Variants in CLIP2 observed in about 807,000 individuals in gnomAD.
CLIP2 encodes the protein CAP-Gly domain-containing linker protein 2.
In CLIP2, 41 loss-of-function variants were observed where a neutral mutation model predicts 111.7. The ratio of observed to expected loss-of-function variants is 0.37; its 90% CI spans 0.29 to 0.48. CLIP2 has a LOEUF of 0.48. Ranked by LOEUF, CLIP2 falls within the 20% of genes least tolerant of loss-of-function variation. The pLI is 0.99. For missense variants in CLIP2, 1,160 were observed against 1,422.1 expected (o/e 0.82, Z 2.96); for synonymous variants, 660 against 644.2 (o/e 1.02, Z -0.37).
intron 8 of CLIP2, among the ~76,000 whole-genome samples, chr7:74,372,353 T>C (rs1790649686): frequency 7.0e-6 from 1 of 143,640 alleles, no homozygotes; most frequent in Non-Finnish European, 1.5e-5. Flanking sequence ...CGGGTATATT[T>C]TGGAAACATC....
rs376115830 is a variant in CLIP2, at chr7:74,372,996, C to T, written c.1445C>T (p.Ala482Val). The T allele has an allele frequency of 2.1e-5, 34 of 1,595,446 alleles. No individual in the cohort carries two copies. Among genetic ancestry groups the T allele is most frequent in the Non-Finnish European group, 2.5e-5 (29 of 1,173,554 alleles). The change falls in exon 9 of 17, where the codon GCG becomes GTG. Residue 482 changes from alanine (A) to valine (V), a missense_variant. Physicochemically the swap from Ala to Val is moderately conservative, Grantham distance 64. Coordinates refer to ENST00000223398, the MANE Select transcript of CLIP2 (RefSeq NM_003388.5). ...ELEQSLLLEK[A>V]QAERLLRELA... ...GAACAGAGCCTGCTACTGGAGAAGG[C>T]GCAGGCCGAGCGGCTGCTCCGAGAA... is the stretch of plus-strand genomic sequence containing the variant.
At chr7:74,350,882 G>C (rs1789966256) in intron 3 of CLIP2, among the ~76,000 whole-genome samples, 2 of 146,340 alleles carry the variant, frequency 1.4e-5, no homozygotes, top group Admixed American at 1.4e-4. Flanking sequence ...GAAAGAGAGA[G>C]AGAGAAAGAA....
intron 3 of CLIP2, among the ~76,000 whole-genome samples, chr7:74,347,291 TG>T (rs1231107886): frequency 2.0e-5 from 3 of 152,090 alleles, no homozygotes; most frequent in Non-Finnish European, 2.9e-5. Context: ...CTTTTTAAGA[TG>T]GAGTCTCACT....
chr7:74,374,831 T>G (rs1158900145), intron 9 of CLIP2, among the ~76,000 whole-genome samples: 1 of 152,208 alleles, frequency 6.6e-6, no homozygotes, highest in Non-Finnish European at 1.5e-5. Context: ...AAATATATCA[T>G]TTTCATATCT....
At chr7:74,375,612 T>G (rs1179668697) in intron 9 of CLIP2, among the ~76,000 whole-genome samples, 2 of 143,700 alleles carry the variant, frequency 1.4e-5, no homozygotes, top group Non-Finnish European at 3.0e-5. Context: ...TAACCACCAA[T>G]TTGTCCAAGC....
Position 74,401,531 on chromosome 7 carries a change from C to A in CLIP2, c.3093C>A (p.Asn1031Lys). ...AQTIGNSGSA[N>K]GIHQQDKAQK... is the part of the protein sequence containing the mutation. Reference sequence around the variant, plus strand: ...CCATCGGCAATTCCGGTTCTGCAAACGGCATCCACCAGCAGGACAAAGCTC... The same window carrying A: ...CCATCGGCAATTCCGGTTCTGCAAAAGGCATCCACCAGCAGGACAAAGCTC... Residue 1031 changes from asparagine (N) to lysine (K), a missense_variant, in exon 16 of 17, where the codon AAC becomes AAA. Physicochemically the swap from Asn to Lys is moderately conservative, Grantham distance 94. This residue lies in a region of CLIP2 where 676 missense variants were observed against 777.8 expected (regional missense o/e 0.87). Coordinates refer to ENST00000223398, the MANE Select transcript of CLIP2 (RefSeq NM_003388.5). The A allele has an allele frequency of 1.2e-6, 2 of 1,614,138 alleles. No homozygotes were observed. The highest frequency in any genetic ancestry group is 1.7e-6 in the Non-Finnish European group (2 of 1,180,012).
At chr7:74,397,255 T>C in intron 14 of CLIP2, 22 bp downstream of exon 14, 1 of 1,608,666 alleles carries the variant, frequency 6.2e-7, no homozygotes, top group Non-Finnish European at 8.5e-7. Context: ...AGGGGTGGCC[T>C]AGGGGCAGGG....
At chr7:74,324,641 G>A (rs1373253999) in intron 2 of CLIP2, among the ~76,000 whole-genome samples, 1 of 152,060 alleles carries the variant, frequency 6.6e-6, no homozygotes, top group African/African-American at 2.4e-5. Context: ...GCTGGGCTTG[G>A]TGGTGTCCTC....
At chr7:74,390,971 C>T (rs192869440) in intron 13 of CLIP2, among the ~76,000 whole-genome samples, 1 of 152,022 alleles carries the variant, frequency 6.6e-6, no homozygotes, top group East Asian at 1.9e-4. Flanking sequence ...ATCTCTTGAA[C>T]CCGGAAGGCG....
intron 3 of CLIP2, among the ~76,000 whole-genome samples, chr7:74,347,515 G>A (rs570004357): frequency 1.1e-3 from 174 of 152,172 alleles, no homozygotes; most frequent in African/African-American, 3.9e-3. Context: ...TGATCTGCCC[G>A]CCTCGGCCTC....
rs1444193931 is a variant in CLIP2, at chr7:74,369,941, C to G, written c.1381-2991C>G. 2.5e-5 allele frequency among the ~76,000 whole-genome samples: 2 copies of G among 80,262 alleles called. 1 individual carries two copies. Among genetic ancestry groups the G allele is most frequent in the African/African-American group, 7.2e-5 (2 of 27,890 alleles). The allele number at this position is 80,262 out of a possible 152,430, so 52.7% of individuals were successfully genotyped here. On this transcript the variant is annotated intron_variant, in intron 8 of 16. Coordinates refer to ENST00000223398, the MANE Select transcript of CLIP2 (RefSeq NM_003388.5). ...TTGGGAGGCCAAGGTGGGCGGATCACGAGGTCAGGAGCTCCAAACCAGCCT... is the reference window on the plus strand; with the variant it reads ...TTGGGAGGCCAAGGTGGGCGGATCAGGAGGTCAGGAGCTCCAAACCAGCCT...
intron 11 of CLIP2, chr7:74,381,689 T>C (rs1234673135): frequency 6.6e-6 from 3 of 451,728 alleles, no homozygotes; most frequent in Non-Finnish European, 1.3e-5. Context: ...AGCTCCTTCA[T>C]TTATTCCATT....
At chr7:74,387,629 A>G (rs1243867720) in intron 12 of CLIP2, among the ~76,000 whole-genome samples, 1 of 152,176 alleles carries the variant, frequency 6.6e-6, no homozygotes, top group Non-Finnish European at 1.5e-5. Context: ...ATGGTTGCCA[A>G]CCTGTCTTCT....
At chr7:74,371,390 G>A (rs1207120547) in intron 8 of CLIP2, among the ~76,000 whole-genome samples, 1 of 151,898 alleles carries the variant, frequency 6.6e-6, no homozygotes, top group African/African-American at 2.4e-5. Flanking sequence ...CACCATCTAT[G>A]AGGGTTCCAG....
At chr7:74,334,432 G>A (rs548795968) in intron 2 of CLIP2, among the ~76,000 whole-genome samples, 3 of 152,170 alleles carry the variant, frequency 2.0e-5, no homozygotes, top group African/African-American at 7.2e-5. Flanking sequence ...GCCTGGGCCC[G>A]GACAGCTGGG....
In CLIP2 at chr7:74,404,342, C is replaced by T. The variant is rs1291338907; in HGVS notation, c.*494C>T. 6.2e-6 allele frequency: 1 copy of T among 162,374 alleles called. No homozygotes were observed. The highest frequency in any genetic ancestry group is 5.9e-5 in the Admixed American group (1 of 16,918). The allele number at this position is 162,374 out of a possible 1,614,324, so 10.1% of individuals were successfully genotyped here. On this transcript the variant is annotated 3_prime_UTR_variant, in exon 17 of 17. Coordinates refer to ENST00000223398, the MANE Select transcript of CLIP2 (RefSeq NM_003388.5). Reference sequence around the variant, plus strand: ...CAAGTGGGGGCCCCTTTTCCGAAGCCACTTCCAGGCCAAGGCAGTCGCCAG... The same window carrying T: ...CAAGTGGGGGCCCCTTTTCCGAAGCTACTTCCAGGCCAAGGCAGTCGCCAG...
Position 74,317,556 on chromosome 7 carries a change from C to T in CLIP2, c.10C>T (p.Pro4Ser). The T allele has an allele frequency of 1.4e-6, 2 of 1,446,508 alleles. No individual in the cohort carries two copies. The highest frequency in any genetic ancestry group is 1.8e-6 in the Non-Finnish European group (2 of 1,091,568). 89.6% of individuals were successfully genotyped at this position (1,446,508 alleles called of 1,614,324 possible). A position where few individuals can be genotyped will look rare whatever the true frequency, so the allele number is the denominator to read the frequency against. ...GCCCAGTGGCACCGCCATGCAGAAG[C>T]CCAGCGGCCTGAAGCCCCCCGGCCG... MQK[P>S]SGLKPPGRGG... The change falls in exon 2 of 17, where the codon CCC becomes TCC. Residue 4 changes from proline to serine, a missense_variant. Transcript: ENST00000223398.
intron 7 of CLIP2, 102 bp downstream of exon 7, chr7:74,360,380 T>C: frequency 1.3e-6 from 1 of 775,790 alleles, no homozygotes; most frequent in Non-Finnish European, 2.1e-6. Context: ...GTCCTGCCCC[T>C]GTCACTGCCT....
intron 2 of CLIP2, among the ~76,000 whole-genome samples, chr7:74,320,286 G>A (rs1236047097): frequency 2.0e-5 from 3 of 152,008 alleles, no homozygotes; most frequent in East Asian, 3.9e-4. Flanking sequence ...AGCACTTTGG[G>A]AGGCTGAGGC....
Sources: allele counts gnomAD v4.1 joint callset (sites outside exome capture counted in the v4.1 genomes callset), GRCh38; gene constraint gnomAD v4.1.1; regional missense constraint gnomAD v4.1.1; transcripts MANE v1.5; gene names NCBI Gene and HGNC (gene_info 2026-07-23, HGNC 2026-07-21).